Variants in CALCR observed in about 807,000 individuals in gnomAD.
The protein encoded by CALCR is calcitonin receptor.
CALCR carries 47 observed loss-of-function variants against 59.5 expected under a neutral mutation model. The ratio of observed to expected loss-of-function variants is 0.79; its 90% CI spans 0.63 to 1.01. The LOEUF (loss-of-function observed/expected upper bound fraction) is 1.01, where lower values mean the gene tolerates loss of function less well. CALCR is among the 50% of genes least tolerant of loss of function. The probability of loss-of-function intolerance (pLI) is 0.00; values close to 1 mark genes in which losing one functional copy is unlikely to be tolerated. For synonymous variants in CALCR, 213 were observed against 211.3 expected (o/e 1.01, Z -0.07); for missense variants, 566 against 597.1 (o/e 0.95, Z 0.54).
chr7:93,537,211 AAAG>A (rs1483410084), intron 2 of CALCR, among the ~76,000 whole-genome samples: 1 of 151,824 alleles, frequency 6.6e-6, no homozygotes, highest in Non-Finnish European at 1.5e-5. Flanking sequence ...GTGAAGTAAT[AAAG>A]TCTTTTTCTC....
chr7:93,507,364 G>A (rs181255871), intron 2 of CALCR, among the ~76,000 whole-genome samples: 72 of 152,172 alleles, frequency 4.7e-4, no homozygotes, highest in African/African-American at 1.7e-3. Context: ...CATTAGTTTA[G>A]GAGCAGTACT....
chr7:93,541,776 C>T (rs1789148046), intron 2 of CALCR, among the ~76,000 whole-genome samples: 1 of 152,160 alleles, frequency 6.6e-6, no homozygotes, highest in Non-Finnish European at 1.5e-5. Flanking sequence ...GAACTATTCA[C>T]CCTTCTTAAA....
chr7:93,481,571 C>A (rs1800797993), intron 3 of CALCR, among the ~76,000 whole-genome samples: 1 of 151,836 alleles, frequency 6.6e-6, no homozygotes, highest in South Asian at 2.1e-4. Context: ...GGGGGAACTT[C>A]TCCCCCTTGG....
At chr7:93,502,169 TA>T (rs1344003027) in intron 2 of CALCR, among the ~76,000 whole-genome samples, 1 of 152,000 alleles carries the variant, frequency 6.6e-6, no homozygotes, top group Non-Finnish European at 1.5e-5. Flanking sequence ...AGGAAGGAAC[TA>T]AAATGAACTG....
At chr7:93,495,223 A>G (rs987030523) in intron 2 of CALCR, among the ~76,000 whole-genome samples, 5 of 151,344 alleles carry the variant, frequency 3.3e-5, no homozygotes, top group Non-Finnish European at 7.4e-5. Context: ...GCAACCAGAA[A>G]ATCATCTGGT....
chr7:93,441,744 A>C (rs1030046180), intron 9 of CALCR, among the ~76,000 whole-genome samples: 1 of 152,082 alleles, frequency 6.6e-6, no homozygotes, highest in Admixed American at 6.6e-5. Context: ...AGCCATGCAG[A>C]TGAGGTGATC....
At chr7:93,443,801 A>C (rs774313528) in intron 8 of CALCR, 44 bp from the exon 9 acceptor site, 2 of 1,563,016 alleles carry the variant, frequency 1.3e-6, no homozygotes, top group South Asian at 2.2e-5. Context: ...ACACAGGTAA[A>C]GATCTGCCAG....
At chr7:93,436,635 T>C (rs1201823086) in intron 11 of CALCR, among the ~76,000 whole-genome samples, 1 of 152,152 alleles carries the variant, frequency 6.6e-6, no homozygotes, top group Non-Finnish European at 1.5e-5. Flanking sequence ...TTAATGTAGC[T>C]GATTTATCAA....
intron 2 of CALCR, among the ~76,000 whole-genome samples, chr7:93,536,686 CCCTA>C (rs1788999649): frequency 6.6e-6 from 1 of 151,740 alleles, no homozygotes; most frequent in Non-Finnish European, 1.5e-5. Context: ...CTAATGCTAT[CCCTA>C]CCTTTTTGTT....
At chr7:93,476,113 C>A (rs904276467) in intron 5 of CALCR, among the ~76,000 whole-genome samples, 2 of 151,650 alleles carry the variant, frequency 1.3e-5, no homozygotes, top group Non-Finnish European at 2.9e-5. Flanking sequence ...GAAAGGGCAT[C>A]TGGGTTGAGA....
At chr7:93,467,632 A>C (rs1800467447) in intron 7 of CALCR, among the ~76,000 whole-genome samples, 1 of 151,676 alleles carries the variant, frequency 6.6e-6, no homozygotes, top group South Asian at 2.1e-4. Flanking sequence ...CATATAGTTC[A>C]GTAGTGATAA....
chr7:93,520,050 A>G (rs545943334), intron 2 of CALCR, among the ~76,000 whole-genome samples: 1 of 152,226 alleles, frequency 6.6e-6, no homozygotes, highest in African/African-American at 2.4e-5. Context: ...GTTCATAAAT[A>G]TAGAATAAAT....
chr7:93,566,087 C>T (rs1055844064), intron 2 of CALCR, among the ~76,000 whole-genome samples: 1 of 151,676 alleles, frequency 6.6e-6, no homozygotes, highest in Non-Finnish European at 1.5e-5. Flanking sequence ...GATTTTTTTC[C>T]TATAATACAA....
chr7:93,510,920 C>G (rs889471498), intron 2 of CALCR, among the ~76,000 whole-genome samples: 1 of 151,930 alleles, frequency 6.6e-6, no homozygotes, highest in Non-Finnish European at 1.5e-5. Context: ...TGATGAGATT[C>G]TATTTGAAGA....
At chr7:93,436,254 G>T in intron 11 of CALCR, 84 bp from the exon 12 acceptor site, 1 of 1,119,940 alleles carries the variant, frequency 8.9e-7, no homozygotes, top group Non-Finnish European at 1.3e-6. Context: ...TGTTTATCCA[G>T]TGTGAGCAAC....
At chr7:93,544,409 C>T (rs1773901775) in intron 2 of CALCR, among the ~76,000 whole-genome samples, 1 of 152,004 alleles carries the variant, frequency 6.6e-6, no homozygotes, top group African/African-American at 2.4e-5. Context: ...GAACATTTTT[C>T]ATATGTTTTT....
intron 4 of CALCR, 144 bp downstream of exon 4, chr7:93,479,210 A>G: frequency 1.2e-6 from 1 of 828,954 alleles, no homozygotes. Context: ...CACTGCATGA[A>G]ATACACAAAC....
At chr7:93,492,845 G>C (rs1801114509) in intron 2 of CALCR, among the ~76,000 whole-genome samples, 1 of 151,252 alleles carries the variant, frequency 6.6e-6, no homozygotes, top group African/African-American at 2.4e-5. Context: ...AACCTGAATA[G>C]GGTTTTGAAA....
At chr7:93,441,274 G>A (rs916615805) in intron 9 of CALCR, among the ~76,000 whole-genome samples, 28 of 152,068 alleles carry the variant, frequency 1.8e-4, no homozygotes, top group Non-Finnish European at 3.8e-4. Context: ...ATATACCACA[G>A]ATTTTATTTC....
Sources: gnomAD v4.1 joint callset for allele counts (sites outside exome capture counted in the v4.1 genomes callset) on GRCh38, gnomAD v4.1.1 for gene constraint, MANE v1.5 for transcripts, NCBI Gene and HGNC (gene_info 2026-07-23, HGNC 2026-07-21) for gene names.